The following HMOX1 variants were observed in gnomAD, a reference collection of about 807,000 sequenced individuals.
HMOX1 encodes heat shock protein, 32-kD.
HMOX1 carries 22 observed loss-of-function variants against 27.8 expected under a neutral mutation model. The observed-to-expected ratio is 0.79, with a 90% CI of 0.57 to 1.13. The LOEUF (loss-of-function observed/expected upper bound fraction) is 1.13, where lower values mean the gene tolerates loss of function less well. Among genes scored for constraint, HMOX1 ranks in the 50% most tolerant of loss-of-function variants. The pLI is 0.00. For missense variants in HMOX1, 379 were observed against 377.7 expected (o/e 1.00, Z -0.03); for synonymous variants, 153 against 151.6 (o/e 1.01, Z -0.07).
At chr22:35,389,558 T>C (rs1030883104) in intron 3 of HMOX1, among the ~76,000 whole-genome samples, 2 of 151,340 alleles carry the variant, frequency 1.3e-5, no homozygotes, top group African/African-American at 4.9e-5. Context: ...TTCTCCTGCC[T>C]CAGCCTCCCG....
intron 1 of HMOX1, among the ~76,000 whole-genome samples, chr22:35,381,927 G>C (rs920856248): frequency 2.0e-5 from 3 of 152,128 alleles, no homozygotes; most frequent in African/African-American, 7.2e-5. Context: ...TGACAATTCT[G>C]TGGGGAGGCA....
At chr22:35,385,310 C>T (rs922991778) in intron 2 of HMOX1, among the ~76,000 whole-genome samples, 7 of 152,196 alleles carry the variant, frequency 4.6e-5, no homozygotes, top group Admixed American at 6.5e-5. Context: ...TGGTGGGTCC[C>T]TGGCAATGCC....
At chr22:35,393,370 C>G in intron 4 of HMOX1, 98 bp from the exon 5 acceptor site, 1 of 1,484,154 alleles carries the variant, frequency 6.7e-7, no homozygotes, top group Non-Finnish European at 9.4e-7. Flanking sequence ...AGTGACTGTA[C>G]CACAGACCCT....
intron 1 of HMOX1, among the ~76,000 whole-genome samples, chr22:35,382,129 C>T (rs1166072819): frequency 5.3e-5 from 8 of 152,106 alleles, no homozygotes; most frequent in Non-Finnish European, 1.2e-4. Flanking sequence ...AAAGCAATTA[C>T]AAACTTGGAG....
chr22:35,388,865 C>T (rs956276428), intron 3 of HMOX1, among the ~76,000 whole-genome samples: 7 of 151,932 alleles, frequency 4.6e-5, no homozygotes, highest in Non-Finnish European at 7.4e-5. Context: ...TTGGGCAAAG[C>T]ACTTAACCTG....
chr22:35,389,877 T>G lies in HMOX1; in HGVS notation c.650T>G (p.Leu217Trp). The G allele has an allele frequency of 6.2e-7, 1 of 1,609,298 alleles. No homozygotes were observed. Residue 217 changes from leucine to tryptophan, a missense_variant, in exon 4 of 5, where the codon TTG becomes TGG. Leu to Trp is a moderately conservative substitution (Grantham distance 61). Transcript: ENST00000216117. ...TTTGTCTTTTAGCTCTTTGAGGAGT[T>G]GCAGGAGCTGCTGACCCATGACACC... is the stretch of plus-strand genomic sequence containing the variant. ...FLLNIQLFEE[L>W]QELLTHDTKD...
chr22:35,386,608 G>A, intron 2 of HMOX1, 77 bp from the exon 3 acceptor site: 1 of 1,597,168 alleles, frequency 6.3e-7, no homozygotes, highest in East Asian at 2.2e-5. Flanking sequence ...CCTTTCCAAA[G>A]GCAGTAGTGG....
rs557564491 is a variant in HMOX1, at chr22:35,381,211, C to T, written c.23+15C>T. 1.5e-5 allele frequency: 23 copies of T among 1,545,252 alleles called. No homozygotes were observed. In the East Asian group the frequency reaches 4.1e-4, roughly 27 times the overall value. On this transcript the variant is annotated intron_variant, in intron 1 of 4. Transcript: ENST00000216117. The stretch of plus-strand genomic sequence containing the variant: ...CAACCCGACAGGCAAGCGCGGGGCG[C>T]GGGACGCGGGACGGGCGCCTTTCTC...
Position 35,381,195 on chromosome 22 carries a change from A to T in HMOX1, c.22A>T (p.Ser8Cys). 1 of 1,547,704 alleles carries T rather than the reference A, an allele frequency of 6.5e-7. No individual in the cohort carries two copies. The highest frequency in any genetic ancestry group is 8.7e-7 in the Non-Finnish European group (1 of 1,152,816). Residue 8 changes from serine to cysteine, a missense_variant and splice_region_variant, in exon 1 of 5, where the codon AGC (serine) becomes TGC (cysteine). Transcript: ENST00000216117. ...CCGGATGGAGCGTCCGCAACCCGAC[A>T]GGCAAGCGCGGGGCGCGGGACGCGG... is the stretch of plus-strand genomic sequence containing the variant. The part of the protein sequence containing the change: MERPQPD[S>C]MPQDLSEALK...
At chr22:35,389,441 TTTC>T (rs1931654122) in intron 3 of HMOX1, among the ~76,000 whole-genome samples, 5 of 116,652 alleles carry the variant, frequency 4.3e-5, no homozygotes, top group East Asian at 2.2e-4. Flanking sequence ...TCTTTCTTTC[TTTC>T]TTTCTTTTCT....
chr22:35,393,408 A>T (rs1931772903), intron 4 of HMOX1, 60 bp from the exon 5 acceptor site: 1 of 1,608,480 alleles, frequency 6.2e-7, no homozygotes, highest in African/African-American at 1.3e-5. Flanking sequence ...CTTTCCTATG[A>T]CATCAGACAC....
At chr22:35,385,131 C>T (rs541014633) in intron 2 of HMOX1, among the ~76,000 whole-genome samples, 1 of 152,264 alleles carries the variant, frequency 6.6e-6, no homozygotes, top group East Asian at 1.9e-4. Flanking sequence ...CCAAGGTACA[C>T]TCAAGACCTG....
chr22:35,389,289 CTTCT>C (rs200559798), intron 3 of HMOX1, among the ~76,000 whole-genome samples: 3 of 102,970 alleles, frequency 2.9e-5, no homozygotes, highest in African/African-American at 1.1e-4. Flanking sequence ...CTCTCTCTCT[CTTCT>C]TTCTTCTTTC....
chr22:35,392,218 T>C (rs1482179468), intron 4 of HMOX1, among the ~76,000 whole-genome samples: 27 of 121,408 alleles, frequency 2.2e-4, no homozygotes, highest in Non-Finnish European at 4.0e-4. Context: ...CGAGACTCCA[T>C]CTCAAAAAAA....
intron 2 of HMOX1, 49 bp from the exon 3 acceptor site, chr22:35,386,636 G>T: frequency 6.2e-7 from 1 of 1,613,070 alleles, no homozygotes. Flanking sequence ...GGACAGAGGT[G>T]GGGGTCTTCT....
chr22:35,386,295 G>C (rs1445947119), intron 2 of HMOX1, among the ~76,000 whole-genome samples: 1 of 151,364 alleles, frequency 6.6e-6, no homozygotes, highest in East Asian at 2.0e-4. Flanking sequence ...TTGTAGAGGT[G>C]GGTTTTGGGC....
chr22:35,386,638 G>A (rs754867310), intron 2 of HMOX1, 47 bp from the exon 3 acceptor site: 8 of 1,613,268 alleles, frequency 5.0e-6, no homozygotes, highest in Non-Finnish European at 6.8e-6. Context: ...ACAGAGGTGG[G>A]GGTCTTCTAT....
rs1396911516 is a variant in HMOX1, at chr22:35,393,968, A to G, written c.*370A>G. 5 of 336,096 alleles carry G rather than the reference A, an allele frequency of 1.5e-5. No homozygotes were observed. The highest frequency in any genetic ancestry group is 2.3e-5 in the Non-Finnish European group (4 of 171,086). The allele number at this position is 336,096 out of a possible 1,614,324, so 20.8% of individuals were successfully genotyped here. On this transcript the variant is annotated 3_prime_UTR_variant, in exon 5 of 5. Coordinates refer to ENST00000216117, the MANE Select transcript of HMOX1 (RefSeq NM_002133.3). ...GCCATGACCACTTTCCCCGTGGGCC[A>G]TGGCAATTTTTACACAAACCTGAAA...
chr22:35,392,494 C>T (rs755306363), intron 4 of HMOX1, among the ~76,000 whole-genome samples: 64 of 152,206 alleles, frequency 4.2e-4, no homozygotes, highest in Non-Finnish European at 2.6e-4. Flanking sequence ...CCTGTGACCG[C>T]AGCCCTGGGC....
Sources: gnomAD v4.1 joint callset for allele counts (sites outside exome capture counted in the v4.1 genomes callset) on GRCh38, gnomAD v4.1.1 for gene constraint, MANE v1.5 for transcripts, NCBI Gene and HGNC (gene_info 2026-07-23, HGNC 2026-07-21) for gene names.